MYSM1: variants seen among roughly 807,000 people sequenced by gnomAD.
MYSM1 encodes the protein Myb like, SWIRM and MPN domains 1, also known as deubiquitinase MYSM1.
MYSM1 carries 51 observed loss-of-function variants against 116.0 expected under a neutral mutation model. That is an observed-to-expected ratio of 0.44 (90% CI 0.35 to 0.56). The LOEUF is 0.56. MYSM1 is among the 20% of genes least tolerant of loss of function. MYSM1 has a pLI of 0.00. For missense variants in MYSM1, 900 were observed against 974.9 expected, an observed-to-expected ratio of 0.92 and a Z score of 1.02; for synonymous variants, 313 against 315.2, an observed-to-expected ratio of 0.99 and a Z score of 0.07.
Position 58,657,410 on chromosome 1 carries a change from T to C in MYSM1, c.*2587A>G, listed in dbSNP as rs1407171324. On this transcript the variant is annotated 3_prime_UTR_variant, in exon 20 of 20. Transcript: ENST00000472487. ...TCTGCCTCCTGAACTTCCTGTATCATAGGCCCCCTCAGTTCTAGACTTCCT... is the reference window on the plus strand; with the variant it reads ...TCTGCCTCCTGAACTTCCTGTATCACAGGCCCCCTCAGTTCTAGACTTCCT... 6.6e-6 allele frequency: 1 copy of C among 152,182 alleles called. No individual in the cohort carries two copies. Among genetic ancestry groups the C allele is most frequent in the African/African-American group, 2.4e-5 (1 of 41,440 alleles). The allele number at this position is 152,182 out of a possible 1,614,324, so 9.4% of individuals were successfully genotyped here. A position where few individuals can be genotyped will look rare whatever the true frequency, so the allele number is the denominator to read the frequency against.
At chr1:58,671,130 C>T (rs1644554114) in intron 12 of MYSM1, among the ~76,000 whole-genome samples, 1 of 152,134 alleles carries the variant, frequency 6.6e-6, no homozygotes, top group African/African-American at 2.4e-5. Flanking sequence ...AGCTCCACTA[C>T]TTGACAGCGT....
chr1:58,677,719 G>A (rs1360719265), intron 8 of MYSM1, among the ~76,000 whole-genome samples: 1 of 152,020 alleles, frequency 6.6e-6, no homozygotes, highest in Non-Finnish European at 1.5e-5. Context: ...TAAAATTCGA[G>A]TAATAAAGAA....
At chr1:58,695,292 AG>A in intron 1 of MYSM1, 85 bp from the exon 2 acceptor site, 1 of 822,192 alleles carries the variant, frequency 1.2e-6, no homozygotes, top group Non-Finnish European at 2.0e-6. Context: ...TCCAGCAGGT[AG>A]TAAGGGAACT....
intron 1 of MYSM1, among the ~76,000 whole-genome samples, chr1:58,696,925 A>G (rs922536855): frequency 1.3e-5 from 2 of 152,202 alleles, no homozygotes; most frequent in African/African-American, 4.8e-5. Flanking sequence ...TGGGGAGTGA[A>G]GAGAATAATA....
chr1:58,690,514 G>A (rs1260387471), intron 3 of MYSM1, 97 bp from the exon 4 acceptor site: 2 of 789,714 alleles, frequency 2.5e-6, no homozygotes, highest in Non-Finnish European at 3.9e-6. Flanking sequence ...GTTATTAATA[G>A]TTCCCTTGTC....
intron 6 of MYSM1, among the ~76,000 whole-genome samples, chr1:58,688,681 TTTTTA>T: frequency 9.5e-6 from 1 of 105,202 alleles, no homozygotes; most frequent in African/African-American, 3.6e-5. Context: ...AATATACAAG[TTTTTA>T]TTTTATTTCA....
At chr1:58,698,618 C>A (rs1194548320) in intron 1 of MYSM1, among the ~76,000 whole-genome samples, 1 of 152,112 alleles carries the variant, frequency 6.6e-6, no homozygotes, top group African/African-American at 2.4e-5. Flanking sequence ...CCTCAGGTGA[C>A]CAATCTTCAG....
chr1:58,676,901 G>A, intron 9 of MYSM1, 25 bp downstream of exon 9: 1 of 1,605,064 alleles, frequency 6.2e-7, no homozygotes, highest in Non-Finnish European at 8.5e-7. Context: ...TCGAGTAAAA[G>A]ATGTTGTTGG....
Position 58,657,208 on chromosome 1 carries a change from C to T in MYSM1, c.*2789G>A, listed in dbSNP as rs978470954. ...TAGATTAAGTCTAATACTGGGGAAG[C>T]GCTAGTGTCGATTTCCATTAGCCAA... On this transcript the variant is annotated 3_prime_UTR_variant, in exon 20 of 20. Coordinates refer to ENST00000472487, the MANE Select transcript of MYSM1 (RefSeq NM_001085487.3). 2 of 148,230 alleles carry T rather than the reference C, an allele frequency of 1.3e-5. No individual in the cohort carries two copies. The highest frequency in any genetic ancestry group is 3.0e-5 in the Non-Finnish European group (2 of 67,548). 9.2% of individuals were successfully genotyped at this position (148,230 alleles called of 1,614,324 possible). A position where few individuals can be genotyped will look rare whatever the true frequency, so the allele number is the denominator to read the frequency against.
Position 58,661,227 on chromosome 1 carries a change from G to A in MYSM1, c.2271C>T (p.Ser757=). 3 of 1,612,168 alleles carry A rather than the reference G, an allele frequency of 1.9e-6. No homozygotes were observed. Among genetic ancestry groups the A allele is most frequent in the Non-Finnish European group, 2.5e-6 (3 of 1,178,480 alleles). The change falls in exon 19 of 20, where the codon AGC becomes AGT. Residue 757 remains serine (S), a splice_region_variant and synonymous_variant. Coordinates refer to ENST00000472487, the MANE Select transcript of MYSM1 (RefSeq NM_001085487.3). ...WIIEKYRLSH[S]SVPMDKIFRR... The stretch of plus-strand genomic sequence containing the variant: ...GAAAGATTTTATCCATGGGGACGCT[G>A]CTGTAGGAAGAAATATGAAAACAAA...
intron 6 of MYSM1, among the ~76,000 whole-genome samples, chr1:58,687,539 A>G (rs1001783804): frequency 6.6e-6 from 1 of 152,228 alleles, no homozygotes; most frequent in Non-Finnish European, 1.5e-5. Context: ...ACCATGTTGT[A>G]AGCTCCCTGC....
intron 15 of MYSM1, 31 bp downstream of exon 15, chr1:58,667,810 AAATAAC>A: frequency 2.3e-6 from 3 of 1,282,396 alleles, no homozygotes; most frequent in Non-Finnish European, 3.4e-6. Flanking sequence ...TAGTAGGACT[AAATAAC>A]TAAAACATTT....
At chr1:58,685,956 C>A (rs1185423266) in intron 6 of MYSM1, among the ~76,000 whole-genome samples, 3 of 152,188 alleles carry the variant, frequency 2.0e-5, no homozygotes, top group Non-Finnish European at 2.9e-5. Context: ...GAGACAGGGT[C>A]TCACTCTGTT....
intron 10 of MYSM1, among the ~76,000 whole-genome samples, chr1:58,673,884 T>C (rs1644603196): frequency 6.6e-6 from 1 of 152,198 alleles, no homozygotes; most frequent in South Asian, 2.1e-4. Context: ...GGAGCACCAG[T>C]AGCAGGTGGG....
chr1:58,668,780 C>G, intron 13 of MYSM1, 98 bp from the exon 14 acceptor site: 1 of 1,155,374 alleles, frequency 8.7e-7, no homozygotes, highest in Non-Finnish European at 1.3e-6. Flanking sequence ...TTATCCACCC[C>G]ACCAAGTTCT....
At chr1:58,690,752 C>T (rs1479574850) in intron 3 of MYSM1, among the ~76,000 whole-genome samples, 1 of 150,376 alleles carries the variant, frequency 6.6e-6, no homozygotes, top group Non-Finnish European at 1.5e-5. Context: ...AATTCTTCTT[C>T]CAGTGTGGCC....
At chr1:58,698,096 A>ATTTTTTTT (rs1290483031) in intron 1 of MYSM1, among the ~76,000 whole-genome samples, 12 of 27,036 alleles carry the variant, frequency 4.4e-4, no homozygotes, top group Non-Finnish European at 9.2e-4. Context: ...ATATATATAT[A>ATTTTTTTT]TATATATTTT....
chr1:58,682,680 CTT>C (rs1312160922), intron 7 of MYSM1, 135 bp from the exon 8 acceptor site: 1 of 312,960 alleles, frequency 3.2e-6, no homozygotes, highest in Non-Finnish European at 4.9e-6. Flanking sequence ...CTCTAATGCG[CTT>C]TTCTTTTTTT....
At chr1:58,674,561 A>G (rs1460633239) in intron 10 of MYSM1, among the ~76,000 whole-genome samples, 1 of 152,176 alleles carries the variant, frequency 6.6e-6, no homozygotes, top group African/African-American at 2.4e-5. Context: ...TTTCTTTTTC[A>G]TATCTTATTT....
Sources: allele counts gnomAD v4.1 joint callset (sites outside exome capture counted in the v4.1 genomes callset), GRCh38; gene constraint gnomAD v4.1.1; transcripts MANE v1.5; gene names NCBI Gene and HGNC (gene_info 2026-07-23, HGNC 2026-07-21).